SYT14: variants seen among roughly 807,000 people sequenced by gnomAD.
The protein encoded by SYT14 is synaptotagmin 14, also known as synaptotagmin-14.
In SYT14, 32 loss-of-function variants were observed where a neutral mutation model predicts 74.2. The ratio of observed to expected loss-of-function variants is 0.43; its 90% confidence interval spans 0.33 to 0.58. SYT14 has a LOEUF of 0.58. SYT14 is among the 20% of genes least tolerant of loss of function. The pLI, the probability that SYT14 is intolerant of heterozygous loss-of-function variation, is 0.05. For synonymous variants in SYT14, 298 were observed against 337.7 expected (o/e 0.88, Z 1.29); for missense variants, 791 against 981.8 (o/e 0.81, Z 2.60).
At chr1:210,067,551 T>C (rs1034370695) in intron 5 of SYT14, among the ~76,000 whole-genome samples, 16 of 151,982 alleles carry the variant, frequency 1.1e-4, no homozygotes, top group Non-Finnish European at 1.2e-4. Context: ...TCTGAGAACT[T>C]TTTTAGGACT....
At chr1:210,157,257 CA>C (rs1175284406) in intron 8 of SYT14, among the ~76,000 whole-genome samples, 1 of 149,706 alleles carries the variant, frequency 6.7e-6, no homozygotes, top group African/African-American at 2.5e-5. Context: ...GCCTGGGCAA[CA>C]AAGTGAGACC....
chr1:210,025,425 C>T (rs1159297348), intron 5 of SYT14, among the ~76,000 whole-genome samples: 1 of 152,156 alleles, frequency 6.6e-6, no homozygotes, highest in East Asian at 1.9e-4. Flanking sequence ...AAAGGTTAAA[C>T]TTGACTAATG....
exon 10 of SYT14, chr1:210,163,040 T>C (rs41303073): frequency 2.2e-4 from 98 of 453,642 alleles, no homozygotes; most frequent in Non-Finnish European, 3.6e-4. Flanking sequence ...GGGATGTAGA[T>C]TTTACTGAGA....
At chr1:210,004,930 A>G (rs977803723) in intron 2 of SYT14, among the ~76,000 whole-genome samples, 4 of 152,044 alleles carry the variant, frequency 2.6e-5, no homozygotes, top group Non-Finnish European at 5.9e-5. Flanking sequence ...TTCTAGATGC[A>G]TTGAGAATGC....
At chr1:210,103,722 T>C (rs1409545134) in intron 7 of SYT14, among the ~76,000 whole-genome samples, 1 of 152,188 alleles carries the variant, frequency 6.6e-6, no homozygotes, top group Non-Finnish European at 1.5e-5. Context: ...AGGTTTCTCA[T>C]TAGTGAAATC....
At chr1:210,150,595 T>G (rs1185099009) in intron 7 of SYT14, among the ~76,000 whole-genome samples, 1 of 152,184 alleles carries the variant, frequency 6.6e-6, no homozygotes. Context: ...GCAGGTGACT[T>G]CCCTTGTTTT....
At chr1:210,025,453 A>T (rs970466158) in intron 5 of SYT14, among the ~76,000 whole-genome samples, 6 of 152,248 alleles carry the variant, frequency 3.9e-5, no homozygotes, top group Non-Finnish European at 8.8e-5. Flanking sequence ...ACTAAAGGGA[A>T]TCACAAGGTA....
At chr1:210,024,375 G>A (rs1489464533) in intron 5 of SYT14, among the ~76,000 whole-genome samples, 1 of 152,158 alleles carries the variant, frequency 6.6e-6, no homozygotes. Context: ...ATAGGAGAGA[G>A]ATTATTGAGG....
intron 7 of SYT14, among the ~76,000 whole-genome samples, chr1:210,113,436 C>T (rs750334367): frequency 1.2e-4 from 18 of 151,162 alleles, no homozygotes; most frequent in Middle Eastern, 3.4e-3. Context: ...AAGACTTGTC[C>T]GGTTTTTGGA....
At chr1:210,147,791 GTACTATTAAA>G (rs2083071558) in intron 7 of SYT14, among the ~76,000 whole-genome samples, 1 of 152,048 alleles carries the variant, frequency 6.6e-6, no homozygotes, top group Non-Finnish European at 1.5e-5. Context: ...GAAAGGAGGT[GTACTATTAAA>G]TAAGGGTCAA....
Position 209,990,169 on chromosome 1 carries a change from A to AC in SYT14, c.-485-23462dup, listed in dbSNP as rs1006842625. Among the ~76,000 whole-genome samples, 22 of 151,998 alleles carry AC rather than the reference A, an allele frequency of 1.4e-4. No homozygotes were observed. The South Asian group carries it at 2.1e-3, about 14-fold the overall frequency. On this transcript the variant is annotated intron_variant, in intron 2 of 9. Transcript: ENST00000637265. The stretch of plus-strand genomic sequence containing the variant: ...TGTAAACAGAATTCATTTTCCCTCC[A>AC]CCTTTCATCTGTTTTTGTACATTTT...
At chr1:210,146,832 T>A (rs534558879) in intron 7 of SYT14, among the ~76,000 whole-genome samples, 2 of 151,510 alleles carry the variant, frequency 1.3e-5, no homozygotes, top group Non-Finnish European at 2.9e-5. Flanking sequence ...ACATGCATAC[T>A]ATATGTATGT....
rs141974517 is a variant in SYT14, at chr1:210,021,097, G to C, written c.1155G>C (p.Ala385=). ...CATCCTCTGAAAGTGAAGATGAAGC[G>C]CTGGGTAAATATCATGAGGCCTTAT... is the stretch of plus-strand genomic sequence containing the variant. The change falls in exon 5 of 10, where the codon GCG becomes GCC. Residue 385 remains alanine (A), a synonymous_variant. Coordinates refer to ENST00000637265, the Ensembl canonical transcript of SYT14. The C allele has an allele frequency of 1.4e-5, 22 of 1,613,790 alleles. No individual in the cohort carries two copies. Among genetic ancestry groups the C allele is most frequent in the African/African-American group, 5.3e-5 (4 of 74,884 alleles).
At chr1:210,107,520 A>AT (rs1483756849) in intron 7 of SYT14, among the ~76,000 whole-genome samples, 2 of 152,142 alleles carry the variant, frequency 1.3e-5, no homozygotes, top group Non-Finnish European at 2.9e-5. Context: ...ACTGTATTTG[A>AT]TTTTTTTAAC....
chr1:210,137,681 CTTT>C (rs397717067), intron 7 of SYT14, among the ~76,000 whole-genome samples: 3 of 135,396 alleles, frequency 2.2e-5, no homozygotes, highest in Admixed American at 7.5e-5. Context: ...CTTCAAATTT[CTTT>C]TTTTTTTTTT....
chr1:210,093,403 G>A lies in SYT14; in HGVS notation c.1313-919G>A, dbSNP rs1458373104. Among the ~76,000 whole-genome samples, 136 of 143,070 alleles carry A rather than the reference G, an allele frequency of 9.5e-4. 1 individual carries two copies. The Admixed American group carries it at 0.011, about 12-fold the overall frequency. 93.9% of individuals were successfully genotyped at this position (143,070 alleles called of 152,430 possible). A position where few individuals can be genotyped will look rare whatever the true frequency, so the allele number is the denominator to read the frequency against. ...GTGTTTAAATTTAATGTTTAGTATTGCATTCAGGATTTATCTACAAAGACT... is the reference window on the plus strand; with the variant it reads ...GTGTTTAAATTTAATGTTTAGTATTACATTCAGGATTTATCTACAAAGACT... On this transcript the variant is annotated intron_variant, in intron 5 of 9. Transcript: ENST00000637265.
At chr1:210,109,913 C>T (rs200047819) in intron 7 of SYT14, among the ~76,000 whole-genome samples, 2 of 152,128 alleles carry the variant, frequency 1.3e-5, no homozygotes, top group South Asian at 4.1e-4. Flanking sequence ...GTGGCACATA[C>T]ACACCATGGA....
intron 7 of SYT14, among the ~76,000 whole-genome samples, chr1:210,116,699 G>T (rs2082368457): frequency 1.3e-5 from 2 of 152,112 alleles, no homozygotes; most frequent in Admixed American, 1.3e-4. Context: ...GGAGAAGAGA[G>T]ACTGTTTTAT....
At chr1:210,127,899 C>T (rs1456855056) in intron 7 of SYT14, among the ~76,000 whole-genome samples, 2 of 151,940 alleles carry the variant, frequency 1.3e-5, no homozygotes, top group Admixed American at 6.6e-5. Flanking sequence ...TGGGGGCGGG[C>T]GCCTGTAGTC....
Sources: gnomAD v4.1 joint callset for allele counts (sites outside exome capture counted in the v4.1 genomes callset) on GRCh38, gnomAD v4.1.1 for gene constraint, MANE v1.5 for transcripts, NCBI Gene and HGNC (gene_info 2026-07-23, HGNC 2026-07-21) for gene names.